The following CLTCL1 variants were observed in gnomAD, a reference collection of about 807,000 sequenced individuals.
CLTCL1 encodes clathrin heavy chain like 1, also known as clathrin heavy chain 2.
CLTCL1 carries 159 observed loss-of-function variants against 190.0 expected under a neutral mutation model. The ratio of observed to expected loss-of-function variants is 0.84; its 90% CI spans 0.74 to 0.95. CLTCL1 has a LOEUF of 0.95. CLTCL1 is among the 40% of genes least tolerant of loss of function. CLTCL1 has a pLI of 0.00. For missense variants in CLTCL1, 1,878 were observed against 2,033.4 expected (o/e 0.92, Z 1.47); for synonymous variants, 752 against 769.6 (o/e 0.98, Z 0.38).
chr22:19,284,524 G>A (rs1402395732), intron 1 of CLTCL1, among the ~76,000 whole-genome samples: 5 of 152,084 alleles, frequency 3.3e-5, no homozygotes, highest in Admixed American at 3.3e-4. Flanking sequence ...GCTGGGTGTG[G>A]TGGCGGGCAC....
chr22:19,228,515 C>A (rs1377469194), intron 11 of CLTCL1, among the ~76,000 whole-genome samples: 1 of 152,174 alleles, frequency 6.6e-6, no homozygotes, highest in African/African-American at 2.4e-5. Flanking sequence ...GTCCAGTAGA[C>A]CCCAAGCAGC....
chr22:19,224,858 A>T (rs1365698627), intron 13 of CLTCL1, among the ~76,000 whole-genome samples: 2 of 152,184 alleles, frequency 1.3e-5, no homozygotes, highest in Non-Finnish European at 2.9e-5. Context: ...CAGTGGCTTG[A>T]TGCCTAGACA....
At chr22:19,258,182 A>G (rs1569231925) in intron 2 of CLTCL1, 3 of 349,638 alleles carry the variant, frequency 8.6e-6, no homozygotes, top group Admixed American at 7.7e-5. Context: ...AGAGGGAGTA[A>G]AAGGCCTACA....
intron 17 of CLTCL1, 116 bp from the exon 18 acceptor site, chr22:19,220,123 GC>G: frequency 7.8e-7 from 1 of 1,289,494 alleles, no homozygotes; most frequent in Non-Finnish European, 1.1e-6. Context: ...GACAGTCAGG[GC>G]CCAGGCAAGA....
intron 26 of CLTCL1, among the ~76,000 whole-genome samples, chr22:19,195,815 C>T (rs1341543958): frequency 6.6e-6 from 1 of 152,060 alleles, no homozygotes. Flanking sequence ...GAGGCCCACT[C>T]CCAGACAGGT....
Position 19,208,955 on chromosome 22 carries a change from A to C in CLTCL1, c.3409T>G (p.Tyr1137Asp). 1.9e-6 allele frequency: 3 copies of C among 1,611,048 alleles called. No individual in the cohort carries two copies. The highest frequency in any genetic ancestry group is 2.5e-6 in the Non-Finnish European group (3 of 1,178,730). ...CTGGCTGACTGAACAACTTCCAGGT[A>C]AGAGGAAGGGTCGTCCCCTCTGATA... ...SYIRGDDPSS[Y>D]LEVVQSASRS... Residue 1137 changes from tyrosine (Y) to aspartate (D), a missense_variant, in exon 21 of 33, where the codon TAC becomes GAC. By Grantham distance (160) the Tyr-to-Asp change is radical. Transcript: ENST00000427926.
At chr22:19,208,037 A>T in intron 22 of CLTCL1, 117 bp downstream of exon 22, 1 of 1,254,424 alleles carries the variant, frequency 8.0e-7, no homozygotes, top group Non-Finnish European at 1.1e-6. Flanking sequence ...CTGTGGAAAA[A>T]CTGTCTTCGA....
chr22:19,281,949 A>G (rs1185483466), intron 1 of CLTCL1, among the ~76,000 whole-genome samples: 1 of 152,204 alleles, frequency 6.6e-6, no homozygotes, highest in Non-Finnish European at 1.5e-5. Context: ...AGAAGAGTGG[A>G]TCCAAAAATA....
Position 19,248,036 on chromosome 22 carries a change from C to T in CLTCL1, c.520-5100G>A, listed in dbSNP as rs765987131. Reference sequence around the variant, plus strand: ...TTTTGGCTGGGCATGGTGGCTCACACCTGTAATCCCAGCACTTTGGGAGGC... The same window carrying T: ...TTTTGGCTGGGCATGGTGGCTCACATCTGTAATCCCAGCACTTTGGGAGGC... On this transcript the variant is annotated intron_variant, in intron 3 of 32. Transcript: ENST00000427926. Among the ~76,000 whole-genome samples the T allele has an allele frequency of 1.8e-4, 28 of 151,868 alleles. 1 individual carries two copies. The highest frequency in any genetic ancestry group is 3.8e-4 in the Non-Finnish European group (26 of 67,986).
chr22:19,235,887 G>A lies in CLTCL1; in HGVS notation c.796-18C>T, dbSNP rs782495849. ...GCTCCAATCTATAAGAAGACAGAGA[G>A]CAAGAGGTTGGAAAGTAAGGAGGAG... On this transcript the variant is annotated intron_variant, in intron 5 of 32. Transcript: ENST00000427926. 6 of 1,605,070 alleles carry A rather than the reference G, an allele frequency of 3.7e-6. No homozygotes were observed. The highest frequency in any genetic ancestry group is 5.1e-6 in the Non-Finnish European group (6 of 1,175,496).
chr22:19,275,573 A>G (rs1555982753), intron 2 of CLTCL1, 50 bp downstream of exon 2: 1 of 1,504,286 alleles, frequency 6.6e-7, no homozygotes, highest in African/African-American at 1.4e-5. Context: ...AAGGTAACAA[A>G]GCAGTTAAAA....
At chr22:19,196,107 C>G (rs117037622) in intron 26 of CLTCL1, among the ~76,000 whole-genome samples, 159 bp downstream of exon 26, 1 of 152,200 alleles carries the variant, frequency 6.6e-6, no homozygotes, top group Non-Finnish European at 1.5e-5. Context: ...GATGGAATTA[C>G]TACCATCTGC....
At chr22:19,213,201 GTAACTGAGCACA>G (rs1196381848) in intron 19 of CLTCL1, among the ~76,000 whole-genome samples, 3 of 152,146 alleles carry the variant, frequency 2.0e-5, no homozygotes, top group Non-Finnish European at 4.4e-5. Flanking sequence ...TCTACGGATG[GTAACTGAGCACA>G]TAAAAAGTTG....
intron 4 of CLTCL1, among the ~76,000 whole-genome samples, chr22:19,240,012 G>A (rs549039299): frequency 2.5e-4 from 38 of 149,928 alleles, no homozygotes; most frequent in Admixed American, 6.0e-4. Flanking sequence ...GCAGTGGCGC[G>A]ATCTCAGCTC....
chr22:19,250,966 C>T (rs781808964), intron 3 of CLTCL1, among the ~76,000 whole-genome samples: 18 of 152,094 alleles, frequency 1.2e-4, no homozygotes, highest in Admixed American at 5.2e-4. Context: ...GGGTTCCTTG[C>T]AATTCCACAT....
chr22:19,190,738 A>G (rs1780637), intron 27 of CLTCL1, among the ~76,000 whole-genome samples: 114,504 of 151,844 alleles, frequency 0.75, 44,471 homozygotes, highest in East Asian at 0.94. Flanking sequence ...AAATGGTGCT[A>G]ATCGACTTTC....
intron 22 of CLTCL1, among the ~76,000 whole-genome samples, chr22:19,206,256 C>G (rs1158923970): frequency 2.0e-5 from 3 of 151,990 alleles, no homozygotes; most frequent in African/African-American, 7.3e-5. Context: ...AAGACAGGGT[C>G]TCGCTCTTTG....
At chr22:19,252,651 C>T (rs1261445893) in intron 3 of CLTCL1, among the ~76,000 whole-genome samples, 5 of 152,156 alleles carry the variant, frequency 3.3e-5, no homozygotes, top group African/African-American at 9.7e-5. Flanking sequence ...GATTGAATGA[C>T]GAAGATCTAT....
At chr22:19,275,531 GC>G (rs1486014375) in intron 2 of CLTCL1, 91 bp downstream of exon 2, 2 of 1,321,972 alleles carry the variant, frequency 1.5e-6, no homozygotes, top group Non-Finnish European at 2.1e-6. Flanking sequence ...GGAGCACTTC[GC>G]CATGAGCTTA....
Sources: gnomAD v4.1 joint callset for allele counts (sites outside exome capture counted in the v4.1 genomes callset) on GRCh38, gnomAD v4.1.1 for gene constraint, MANE v1.5 for transcripts, NCBI Gene and HGNC (gene_info 2026-07-23, HGNC 2026-07-21) for gene names.